The following PLEKHG1 variants were observed in gnomAD, a reference collection of about 807,000 sequenced individuals.
PLEKHG1 encodes the protein pleckstrin homology and RhoGEF domain containing G1.
A neutral mutation model predicts 100.8 loss-of-function variants in PLEKHG1; 44 were observed. The ratio of observed to expected loss-of-function variants is 0.44; its 90% CI spans 0.34 to 0.56. The LOEUF (loss-of-function observed/expected upper bound fraction) is 0.56. Ranked by LOEUF, PLEKHG1 falls within the 20% of genes least tolerant of loss-of-function variation. The pLI, the probability that PLEKHG1 is intolerant of heterozygous loss-of-function variation, is 0.01. For synonymous variants in PLEKHG1, 640 were observed against 662.5 expected (o/e 0.97, Z 0.52); for missense variants, 1,545 against 1,720.9 (o/e 0.90, Z 1.81).
intron 14 of PLEKHG1, among the ~76,000 whole-genome samples, chr6:150,830,023 C>T (rs1489598364): frequency 1.3e-5 from 2 of 152,180 alleles, no homozygotes; most frequent in African/African-American, 4.8e-5. Flanking sequence ...GCCAAATGTA[C>T]ACCAGACTTA....
Position 150,683,824 on chromosome 6 carries a change from TG to T in PLEKHG1, c.-99+33041del. ...ACTGCTGCCTGGACAAATCGTGTTC[TG>T]GGCCAAAGCATCACAGGCGAGTGAA... On this transcript the variant is annotated intron_variant, in intron 3 of 3. Coordinates refer to the PLEKHG1 transcript ENST00000367326. This position sits in a 1 kb window ranked among gnomAD's most constrained non-coding sequence, Gnocchi z 4.0. The T allele has an allele frequency of 7.8e-7, 1 of 1,288,614 alleles. No individual in the cohort carries two copies. The highest frequency in any genetic ancestry group is 1.0e-6 in the Non-Finnish European group (1 of 988,484). 79.8% of individuals were successfully genotyped at this position (1,288,614 alleles called of 1,614,324 possible). A position where few individuals can be genotyped will look rare whatever the true frequency, so the allele number is the denominator to read the frequency against.
chr6:150,612,499 A>T (rs1418400894), intron 1 of PLEKHG1, among the ~76,000 whole-genome samples: 1 of 151,914 alleles, frequency 6.6e-6, no homozygotes, highest in Non-Finnish European at 1.5e-5. Context: ...CACTTGGCTA[A>T]TTTTTGTGTT....
chr6:150,725,184 C>G (rs752095082), intron 1 of PLEKHG1, among the ~76,000 whole-genome samples: 1 of 152,118 alleles, frequency 6.6e-6, no homozygotes, highest in Non-Finnish European at 1.5e-5. Flanking sequence ...CCTGTGTATC[C>G]TCACATGGCA....
At chr6:150,801,626 G>C (rs1786716220) in intron 6 of PLEKHG1, among the ~76,000 whole-genome samples, 1 of 151,552 alleles carries the variant, frequency 6.6e-6, no homozygotes, top group African/African-American at 2.4e-5. Context: ...TTTTGGTAGA[G>C]ATAGAGTTTC....
At chr6:150,677,285 T>TACAC (rs34821237) in intron 3 of PLEKHG1, among the ~76,000 whole-genome samples, 242 of 150,452 alleles carry the variant, frequency 1.6e-3, no homozygotes, top group South Asian at 7.6e-3. Context: ...TCTTCCCCTA[T>TACAC]ACACACACAC....
At chr6:150,760,924 A>G (rs997794326) in intron 2 of PLEKHG1, among the ~76,000 whole-genome samples, 4 of 152,094 alleles carry the variant, frequency 2.6e-5, no homozygotes, top group Admixed American at 1.3e-4. Context: ...GGACTTTTCT[A>G]ATTGTTATAC....
chr6:150,818,273 C>T (rs1456759300), intron 11 of PLEKHG1, 57 bp downstream of exon 12: 1 of 1,201,242 alleles, frequency 8.3e-7, no homozygotes, highest in Non-Finnish European at 1.2e-6. Flanking sequence ...GTATCTATCA[C>T]ATTTTCTATC....
intron 2 of PLEKHG1, among the ~76,000 whole-genome samples, chr6:150,767,424 A>T (rs1033145669): frequency 3.9e-5 from 6 of 152,234 alleles, no homozygotes; most frequent in Non-Finnish European, 7.3e-5. Flanking sequence ...AGGTTTATGT[A>T]CATTGGTTTA....
At chr6:150,687,823 G>A (rs1164333753) in intron 3 of PLEKHG1, among the ~76,000 whole-genome samples, 1 of 152,204 alleles carries the variant, frequency 6.6e-6, no homozygotes, top group Non-Finnish European at 1.5e-5. Context: ...AATATGTATT[G>A]AAAGCAAATA....
chr6:150,698,599 A>G (rs1780644017), intron 3 of PLEKHG1, among the ~76,000 whole-genome samples: 1 of 68,138 alleles, frequency 1.5e-5, no homozygotes. Flanking sequence ...GAGCTGCTAA[A>G]GAGTATTTGG....
In PLEKHG1 at chr6:150,703,447, A is replaced by G. The variant is rs182959477; in HGVS notation, c.-98-30137A>G. ...GAAACCCCATCTCTACTAAAAATAC[A>G]AAAATTAGCCAGGCGTGGTGGCACA... On this transcript the variant is annotated intron_variant, in intron 3 of 3. Transcript: ENST00000367326. 6.6e-4 allele frequency among the ~76,000 whole-genome samples: 101 copies of G among 152,094 alleles called. 1 individual carries two copies. In the East Asian group the frequency reaches 0.018, roughly 27 times the overall value.
intron 2 of PLEKHG1, among the ~76,000 whole-genome samples, chr6:150,734,538 C>T (rs1405789519): frequency 6.6e-6 from 1 of 152,154 alleles, no homozygotes; most frequent in Non-Finnish European, 1.5e-5. Context: ...ATCTCATACT[C>T]AGCAACTGTG....
chr6:150,785,104 A>G (rs1785543825), intron 3 of PLEKHG1, among the ~76,000 whole-genome samples: 1 of 152,186 alleles, frequency 6.6e-6, no homozygotes, highest in Admixed American at 6.5e-5. Flanking sequence ...GTTTGAGGAA[A>G]CTGAGAGTAA....
chr6:150,720,266 T>C (rs893351912), upstream of PLEKHG1, among the ~76,000 whole-genome samples: 1 of 152,224 alleles, frequency 6.6e-6, no homozygotes, highest in Admixed American at 6.5e-5. Flanking sequence ...TGAATCTTTC[T>C]ATAAAAATAG....
At chr6:150,721,098 C>T (rs1329554585) in exon 1 of PLEKHG1, 6 of 965,288 alleles carry the variant, frequency 6.2e-6, no homozygotes, top group East Asian at 2.3e-4. Context: ...AATATTTCTA[C>T]GGAAGGCGCT....
At chr6:150,606,482 T>TC (rs1207358701) in intron 1 of PLEKHG1, among the ~76,000 whole-genome samples, 2 of 152,184 alleles carry the variant, frequency 1.3e-5, no homozygotes, top group East Asian at 3.8e-4. Context: ...CTGGCAAGCC[T>TC]CCAGCTTTTC....
chr6:150,739,682 A>G (rs954609445), intron 2 of PLEKHG1, among the ~76,000 whole-genome samples: 50 of 152,248 alleles, frequency 3.3e-4, no homozygotes, highest in African/African-American at 1.2e-3. Context: ...AAAAACAAAA[A>G]AACAAAAAAA....
At chr6:150,718,512 C>A (rs376615659), upstream of PLEKHG1, among the ~76,000 whole-genome samples, 3 of 150,940 alleles carry the variant, frequency 2.0e-5, no homozygotes, top group African/African-American at 7.3e-5. Context: ...CTCTGTCACC[C>A]AGACTGGAGT....
intron 1 of PLEKHG1, among the ~76,000 whole-genome samples, chr6:150,622,188 A>G (rs959031568): frequency 2.0e-5 from 3 of 152,230 alleles, no homozygotes; most frequent in Non-Finnish European, 4.4e-5. Context: ...AATTTTGTTA[A>G]GTGAATGAAT....
Sources: gnomAD v4.1 joint callset for allele counts (sites outside exome capture counted in the v4.1 genomes callset) on GRCh38, gnomAD v4.1.1 for gene constraint, Gnocchi (gnomAD v3.1) non-coding constraint, MANE v1.5 for transcripts, NCBI Gene and HGNC (gene_info 2026-07-23, HGNC 2026-07-21) for gene names.